Variants in SCP2 observed in about 807,000 individuals in gnomAD.
The protein encoded by SCP2 is sterol carrier protein 2, also known as SCP-2/3-oxoacyl-CoA thiolase.
A neutral mutation model predicts 71.4 loss-of-function variants in SCP2; 48 were observed. The observed-to-expected ratio is 0.67, with a 90% confidence interval of 0.53 to 0.86. SCP2 has a LOEUF of 0.86. SCP2 is among the 40% of genes least tolerant of loss of function. The probability of loss-of-function intolerance (pLI) is 0.00; values close to 1 mark genes in which losing one functional copy is unlikely to be tolerated. For synonymous variants in SCP2, 220 were observed against 218.1 expected, an observed-to-expected ratio of 1.01 and a Z score of -0.08; for missense variants, 560 against 655.6, an observed-to-expected ratio of 0.85 and a Z score of 1.59.
chr1:53,028,125 A>C, intron 13 of SCP2, 54 bp downstream of exon 13: 1 of 1,015,490 alleles, frequency 9.8e-7, no homozygotes, highest in Non-Finnish European at 1.6e-6. Flanking sequence ...GAGGAAGCAG[A>C]CACAGGTTTC....
intron 14 of SCP2, among the ~76,000 whole-genome samples, chr1:53,040,777 T>C (rs1297287117): frequency 6.6e-6 from 1 of 152,178 alleles, no homozygotes. Flanking sequence ...TTCTGCCTTA[T>C]TTTTCTCCAT....
chr1:52,945,529 T>G (rs943539231), intron 2 of SCP2, among the ~76,000 whole-genome samples: 64 of 151,980 alleles, frequency 4.2e-4, no homozygotes, highest in Non-Finnish European at 7.6e-4. Flanking sequence ...CGGTGAAAAC[T>G]CCATCTCTAC....
chr1:53,047,649 A>G (rs1218983750), intron 14 of SCP2, among the ~76,000 whole-genome samples: 1 of 152,158 alleles, frequency 6.6e-6, no homozygotes, highest in Non-Finnish European at 1.5e-5. Context: ...TAATTTATTT[A>G]ATCAATTCCG....
intron 1 of SCP2, among the ~76,000 whole-genome samples, chr1:52,929,990 C>CAGG (rs1438814537): frequency 3.3e-5 from 5 of 152,192 alleles, no homozygotes; most frequent in African/African-American, 1.2e-4. Context: ...TTCACTTATG[C>CAGG]TGCCTATCTC....
chr1:52,943,663 AC>A, intron 2 of SCP2: 1 of 434,986 alleles, frequency 2.3e-6, no homozygotes, highest in Non-Finnish European at 4.5e-6. Context: ...CTTGCAAAGC[AC>A]CAATAGCTGC....
At chr1:53,046,518 C>G (rs1663831668) in intron 14 of SCP2, among the ~76,000 whole-genome samples, 1 of 152,098 alleles carries the variant, frequency 6.6e-6, no homozygotes, top group Admixed American at 6.5e-5. Context: ...ATTGGATCGT[C>G]TAACCTTTTC....
intron 6 of SCP2, among the ~76,000 whole-genome samples, chr1:52,965,085 T>C (rs531739788): frequency 6.6e-6 from 1 of 152,324 alleles, no homozygotes; most frequent in East Asian, 1.9e-4. Context: ...GTTGCAGTTC[T>C]TTCATAGTCA....
At chr1:52,968,375 C>A (rs1657166136) in intron 6 of SCP2, among the ~76,000 whole-genome samples, 1 of 152,084 alleles carries the variant, frequency 6.6e-6, no homozygotes. Flanking sequence ...TCTTTCTATT[C>A]TTTACCCTCA....
intron 14 of SCP2, among the ~76,000 whole-genome samples, chr1:53,040,365 T>C (rs1663327441): frequency 6.6e-6 from 1 of 152,222 alleles, no homozygotes; most frequent in African/African-American, 2.4e-5. Flanking sequence ...TGCTGTTGCA[T>C]GAATGTGGGA....
At chr1:52,955,382 A>G (rs565705951) in intron 5 of SCP2, among the ~76,000 whole-genome samples, 159 of 152,334 alleles carry the variant, frequency 1.0e-3, no homozygotes, top group African/African-American at 3.5e-3. Context: ...GGCCTTCCCA[A>G]GATCAGAAGT....
At chr1:53,046,851 C>T (rs919950696) in intron 14 of SCP2, among the ~76,000 whole-genome samples, 4 of 152,138 alleles carry the variant, frequency 2.6e-5, no homozygotes, top group South Asian at 2.1e-4. Context: ...TCTAGAGAAC[C>T]GTATTCATTT....
intron 11 of SCP2, among the ~76,000 whole-genome samples, chr1:53,002,341 T>G (rs1455576532): frequency 2.0e-5 from 3 of 152,240 alleles, no homozygotes; most frequent in Admixed American, 2.0e-4. Flanking sequence ...TTATTGCTCC[T>G]TTAACATCTA....
chr1:52,936,127 G>A (rs2150102659), intron 1 of SCP2, among the ~76,000 whole-genome samples: 1 of 152,184 alleles, frequency 6.6e-6, no homozygotes, highest in South Asian at 2.1e-4. Flanking sequence ...CTAAACAATG[G>A]CATTCTTCCC....
intron 11 of SCP2, among the ~76,000 whole-genome samples, chr1:53,001,076 T>C (rs1402379529): frequency 6.6e-6 from 1 of 152,148 alleles, no homozygotes; most frequent in African/African-American, 2.4e-5. Context: ...TTATATTTTT[T>C]TAAAGTTCCG....
intron 1 of SCP2, among the ~76,000 whole-genome samples, chr1:52,940,886 A>C (rs1051046925): frequency 6.6e-6 from 1 of 152,140 alleles, no homozygotes; most frequent in African/African-American, 2.4e-5. Context: ...AGGAGCTGGG[A>C]TCACAGGCGT....
At chr1:52,931,178 G>C (rs1242329) in intron 1 of SCP2, among the ~76,000 whole-genome samples, 3,581 of 151,828 alleles carry the variant, frequency 0.024, 64 homozygotes, top group Middle Eastern at 0.041. Context: ...TATATCGGAA[G>C]ATTTTTGGAA....
intron 4 of SCP2, among the ~76,000 whole-genome samples, chr1:52,951,273 C>T (rs1435441870): frequency 6.6e-6 from 1 of 151,654 alleles, no homozygotes; most frequent in Non-Finnish European, 1.5e-5. Flanking sequence ...TAGAGCCAGA[C>T]CTTGTCTCAA....
intron 2 of SCP2, among the ~76,000 whole-genome samples, chr1:52,942,653 T>A (rs1270107031): frequency 6.6e-6 from 1 of 151,824 alleles, no homozygotes; most frequent in Non-Finnish European, 1.5e-5. Flanking sequence ...TAATTATTTT[T>A]AAAAAATCCA....
chr1:52,980,423 G>T lies in SCP2; in HGVS notation c.853G>T (p.Ala285Ser). 1 of 1,614,116 alleles carries T rather than the reference G, an allele frequency of 6.2e-7. No homozygotes were observed. Among genetic ancestry groups the T allele is most frequent in the Non-Finnish European group, 8.5e-7 (1 of 1,179,990 alleles). The change falls in exon 10 of 16, where the codon GCA becomes TCA. Residue 285 changes from alanine (A) to serine (S), a missense_variant. By Grantham distance (99) the Ala-to-Ser change is moderately conservative. Coordinates refer to ENST00000371514, the MANE Select transcript of SCP2 (RefSeq NM_002979.5). The stretch of plus-strand genomic sequence containing the variant: ...TGGCTTTGATATGAGTAAAGAAGCT[G>T]CAAGAAAATGCTATGAGAAATCTGG... ...MVGFDMSKEAARKCYEKSGLT... is the reference protein window; with the variant it reads ...MVGFDMSKEASRKCYEKSGLT...
Sources: allele counts gnomAD v4.1 joint callset (sites outside exome capture counted in the v4.1 genomes callset), GRCh38; gene constraint gnomAD v4.1.1; transcripts MANE v1.5; gene names NCBI Gene and HGNC (gene_info 2026-07-23, HGNC 2026-07-21).